PLEKHG4B: variants seen among roughly 807,000 people sequenced by gnomAD.
PLEKHG4B encodes pleckstrin homology domain-containing family G member 4B.
In PLEKHG4B, 111 loss-of-function variants were observed where a neutral mutation model predicts 121.3. The ratio of observed to expected loss-of-function variants is 0.92; its 90% CI spans 0.78 to 1.07. PLEKHG4B has a LOEUF of 1.07. Ranked by LOEUF, PLEKHG4B falls within the 50% of genes least tolerant of loss-of-function variation. The pLI is 0.00. For missense variants in PLEKHG4B, 1,831 were observed against 1,757.8 expected (o/e 1.04, Z -0.74); for synonymous variants, 738 against 725.0 (o/e 1.02, Z -0.29).
At chr5:100,112 G>C (rs1733758547) in intron 1 of PLEKHG4B, among the ~76,000 whole-genome samples, 2 of 152,220 alleles carry the variant, frequency 1.3e-5, no homozygotes, top group Non-Finnish European at 2.9e-5. Context: ...TATGCTGTTA[G>C]ATTTGGTTTA....
intron 2 of PLEKHG4B, among the ~76,000 whole-genome samples, chr5:124,518 T>C (rs1734557138): frequency 6.6e-6 from 1 of 152,258 alleles, no homozygotes; most frequent in African/African-American, 2.4e-5. Context: ...GAGCTGTCTG[T>C]GTCTGTCTTC....
chr5:171,578 C>T (rs1733049916), intron 16 of PLEKHG4B, 134 bp downstream of exon 16: 1 of 923,974 alleles, frequency 1.1e-6, no homozygotes, highest in Non-Finnish European at 1.6e-6. Context: ...TCCCTCAAAG[C>T]ACAGCCTTCT....
At chr5:116,431 G>T (rs778594816) in intron 2 of PLEKHG4B, among the ~76,000 whole-genome samples, 1 of 152,186 alleles carries the variant, frequency 6.6e-6, no homozygotes. Context: ...GAGACACAGG[G>T]TTGCCACAAA....
chr5:135,154 C>T (rs1734916790), intron 2 of PLEKHG4B, among the ~76,000 whole-genome samples: 1 of 139,788 alleles, frequency 7.2e-6, no homozygotes, highest in Non-Finnish European at 1.5e-5. Context: ...CACCACTGCA[C>T]TCCAGCCTGG....
intron 2 of PLEKHG4B, among the ~76,000 whole-genome samples, chr5:117,418 G>A (rs927180494): frequency 2.0e-5 from 3 of 152,144 alleles, no homozygotes; most frequent in African/African-American, 7.2e-5. Context: ...TAAGACTTGA[G>A]TGATTACTGT....
At chr5:112,770 C>T (rs138785775) in intron 1 of PLEKHG4B, among the ~76,000 whole-genome samples, 148 of 152,268 alleles carry the variant, frequency 9.7e-4, no homozygotes, top group African/African-American at 2.2e-3. Flanking sequence ...CAAAGTGGCG[C>T]GTGGGCCAGC....
chr5:100,197 AT>A (rs1271829550), intron 1 of PLEKHG4B, among the ~76,000 whole-genome samples: 22 of 152,314 alleles, frequency 1.4e-4, no homozygotes, highest in African/African-American at 5.3e-4. Context: ...ATGAAAATAT[AT>A]CTTAAAAATG....
At chr5:125,595 A>G (rs1259748688) in intron 2 of PLEKHG4B, among the ~76,000 whole-genome samples, 3 of 151,902 alleles carry the variant, frequency 2.0e-5, no homozygotes, top group Non-Finnish European at 4.4e-5. Context: ...TAATTCTTAT[A>G]AATATATTAG....
At chr5:149,321 T>C (rs954016246) in intron 6 of PLEKHG4B, among the ~76,000 whole-genome samples, 4 of 151,942 alleles carry the variant, frequency 2.6e-5, no homozygotes, top group African/African-American at 7.3e-5. Context: ...GGCAGGAGGA[T>C]TGCTTGAGCC....
intron 6 of PLEKHG4B, among the ~76,000 whole-genome samples, chr5:147,250 A>G (rs1052032784): frequency 3.3e-5 from 5 of 152,266 alleles, no homozygotes; most frequent in Non-Finnish European, 7.3e-5. Flanking sequence ...GGAAAGCCTC[A>G]GGGAGGCCTG....
chr5:151,966 C>T (rs1735619339), intron 7 of PLEKHG4B, among the ~76,000 whole-genome samples: 1 of 152,200 alleles, frequency 6.6e-6, no homozygotes, highest in South Asian at 2.1e-4. Flanking sequence ...AGATACTGCT[C>T]TGTTGCCTTC....
rs553312621 is a variant in PLEKHG4B at position 163,071 on chromosome 5, G to A, written c.2999G>A (p.Gly1000Asp). ...PPSFPSTDSG[G>D]GAWEPAQPLS... ...TCATTCCCCAGCACGGACAGTGGGGGTGGTGCCTGGGAACCTGCGCAACCA... is the reference window on the plus strand; with the variant it reads ...TCATTCCCCAGCACGGACAGTGGGGATGGTGCCTGGGAACCTGCGCAACCA... Residue 1000 changes from glycine to aspartate, a missense_variant, in exon 13 of 20, where the codon GGT becomes GAT. Transcript: ENST00000637938. 23 of 1,561,566 alleles carry A rather than the reference G, an allele frequency of 1.5e-5. No individual in the cohort carries two copies. In the South Asian group the frequency reaches 2.5e-4, roughly 17 times the overall value.
At chr5:144,994 C>T (rs1015003553) in intron 6 of PLEKHG4B, 74 bp downstream of exon 6, 7 of 1,416,210 alleles carry the variant, frequency 4.9e-6, no homozygotes, top group African/African-American at 1.4e-5. Flanking sequence ...CTGCCCACAT[C>T]GTGGTTCTGG....
intron 1 of PLEKHG4B, among the ~76,000 whole-genome samples, chr5:110,014 T>G (rs1345917261): frequency 8.8e-6 from 1 of 114,090 alleles, no homozygotes; most frequent in Non-Finnish European, 1.8e-5. Flanking sequence ...ACAAAATCTG[T>G]AACACACGTG....
rs377458808 is a variant in PLEKHG4B at position 114,528 on chromosome 5, G to T, written c.243+1080G>T. Among the ~76,000 whole-genome samples the T allele has an allele frequency of 3.9e-4, 59 of 152,200 alleles. 1 individual carries two copies. In the South Asian group the frequency reaches 0.011, roughly 29 times the overall value. ...GCTGGAGTACAGTGGTGCAATCTCA[G>T]CTCACTGCGACCTCCGCCACCCAGG... On this transcript the variant is annotated intron_variant, in intron 2 of 19. Transcript: ENST00000637938.
rs764262662 is a variant in PLEKHG4B, at chr5:161,845, C to T, written c.2550C>T (p.Val850=). ...KENPQRTEEM[V]QDFRRGLSAV... ...ACCCGCAACGTACAGAGGAAATGGTCCAGGATTTCAGAAGGGGCCTGAGCG... is the reference window on the plus strand; with the variant it reads ...ACCCGCAACGTACAGAGGAAATGGTTCAGGATTTCAGAAGGGGCCTGAGCG... The change falls in exon 12 of 20, where the codon GTC becomes GTT. Residue 850 remains valine, a synonymous_variant. Transcript: ENST00000637938. 13 of 1,613,810 alleles carry T rather than the reference C, an allele frequency of 8.1e-6. No individual in the cohort carries two copies. In the African/African-American group the frequency reaches 1.7e-4, roughly 22 times the overall value.
At chr5:124,311 G>T (rs1181719442) in intron 2 of PLEKHG4B, among the ~76,000 whole-genome samples, 1 of 152,180 alleles carries the variant, frequency 6.6e-6, no homozygotes, top group Non-Finnish European at 1.5e-5. Context: ...GCATGTGTAT[G>T]TCCAGCAAAA....
At chr5:123,481 C>G (rs1341330646) in intron 2 of PLEKHG4B, among the ~76,000 whole-genome samples, 4 of 152,076 alleles carry the variant, frequency 2.6e-5, no homozygotes, top group Non-Finnish European at 5.9e-5. Context: ...GTAAAATTCA[C>G]CAATGCAACC....
chr5:155,131 C>G (rs559259882), intron 8 of PLEKHG4B, 140 bp downstream of exon 8: 1 of 883,532 alleles, frequency 1.1e-6, no homozygotes, highest in East Asian at 2.5e-5. Context: ...GTCTTCGTGT[C>G]TACACAACCA....
Sources: allele counts gnomAD v4.1 joint callset (sites outside exome capture counted in the v4.1 genomes callset), GRCh38; gene constraint gnomAD v4.1.1; transcripts MANE v1.5; gene names NCBI Gene and HGNC (gene_info 2026-07-23, HGNC 2026-07-21).